Variants in FBXL2 observed in about 807,000 individuals in gnomAD.
The protein encoded by FBXL2 is F-box/LRR-repeat protein 2.
Under a neutral mutation model 69.2 loss-of-function variants are expected in FBXL2, and 38 were observed. That is an observed-to-expected ratio of 0.55 (90% CI 0.42 to 0.72). FBXL2 has a LOEUF of 0.72. Among genes scored for constraint, FBXL2 ranks in the 30% least tolerant of loss-of-function variants. FBXL2 has a pLI of 0.00. For synonymous variants in FBXL2, 192 were observed against 201.3 expected, an observed-to-expected ratio of 0.95 and a Z score of 0.39; for missense variants, 354 against 520.3, an observed-to-expected ratio of 0.68 and a Z score of 3.11.
chr3:33,394,845 G>C (rs1470520870), intron 12 of FBXL2, among the ~76,000 whole-genome samples: 1 of 129,246 alleles, frequency 7.7e-6, no homozygotes, highest in Non-Finnish European at 1.6e-5. Flanking sequence ...TTTAAATAAA[G>C]TTTTACTGGA....
chr3:33,385,471 A>G lies in FBXL2; in HGVS notation c.1165-30A>G, dbSNP rs1181750750. The G allele has an allele frequency of 2.6e-6, 4 of 1,561,886 alleles. No homozygotes were observed. The South Asian group carries it at 3.3e-5, about 13-fold the overall frequency. On this transcript the variant is annotated intron_variant, in intron 14 of 14. Transcript: ENST00000484457. ...ATAATCCTAAAAATAGTAATGTGTAAAGACTCCACTTTTTTCTTCATCCTT... is the reference window on the plus strand; with the variant it reads ...ATAATCCTAAAAATAGTAATGTGTAGAGACTCCACTTTTTTCTTCATCCTT...
intron 5 of FBXL2, among the ~76,000 whole-genome samples, chr3:33,366,895 T>C (rs1249701412): frequency 6.6e-6 from 1 of 151,808 alleles, no homozygotes; most frequent in East Asian, 1.9e-4. Context: ...ACTCGGGAGG[T>C]GGAGCTTGGC....
chr3:33,319,730 A>T lies in FBXL2; in HGVS notation c.65+22005A>T, dbSNP rs190262300. On this transcript the variant is annotated intron_variant, in intron 2 of 14. Transcript: ENST00000484457. ...AACCATGAATAACTTTTATTTTTTT[A>T]AAAAATTGAAATATCAAAGCATTTC... Among the ~76,000 whole-genome samples the T allele has an allele frequency of 2.1e-3, 315 of 152,306 alleles. 1 individual carries two copies. Among genetic ancestry groups the T allele is most frequent in the African/African-American group, 7.2e-3 (300 of 41,574 alleles).
In FBXL2 at chr3:33,286,403, C is replaced by G. The variant is rs547095859; in HGVS notation, c.3+8888C>G. Among the ~76,000 whole-genome samples the G allele has an allele frequency of 4.6e-5, 7 of 152,310 alleles. No homozygotes were observed. The East Asian group carries it at 1.3e-3, about 29-fold the overall frequency. ...TGCCTGATCCTTCCTCTGGAAGCTT[C>G]GTCTCAGATGGGCACCTGGCTGTAT... On this transcript the variant is annotated intron_variant, in intron 1 of 14. Transcript: ENST00000484457.
Position 33,366,234 on chromosome 3 carries a change from A to G in FBXL2, c.290+1515A>G, listed in dbSNP as rs115670690. On this transcript the variant is annotated intron_variant, in intron 5 of 14. Transcript: ENST00000484457. ...TATATTATTGGATCCTATTTGCTACAATTTTGTTAAAAAATTTTGCATTTG... is the reference window on the plus strand; with the variant it reads ...TATATTATTGGATCCTATTTGCTACGATTTTGTTAAAAAATTTTGCATTTG... Among the ~76,000 whole-genome samples, 612 of 152,276 alleles carry G rather than the reference A, an allele frequency of 4.0e-3. 7 individuals carry two copies. The highest frequency in any genetic ancestry group is 0.013 in the African/African-American group (555 of 41,554).
intron 2 of FBXL2, among the ~76,000 whole-genome samples, chr3:33,313,615 G>GTT (rs766273521): frequency 0.081 from 12,074 of 148,198 alleles, 614 homozygotes; most frequent in South Asian, 0.11. Context: ...TCAGATAATT[G>GTT]TTTTATTTTT....
chr3:33,330,417 A>G (rs2039057611), intron 2 of FBXL2, among the ~76,000 whole-genome samples: 1 of 152,164 alleles, frequency 6.6e-6, no homozygotes, highest in Admixed American at 6.5e-5. Flanking sequence ...AAGAAATAAT[A>G]CCTGTTTTTT....
At chr3:33,338,357 A>G (rs1372855187) in intron 2 of FBXL2, among the ~76,000 whole-genome samples, 1 of 152,188 alleles carries the variant, frequency 6.6e-6, no homozygotes, top group Non-Finnish European at 1.5e-5. Flanking sequence ...GGTTGCAGTG[A>G]GCCAAGATCA....
chr3:33,364,850 G>C (rs895209748), intron 5 of FBXL2, 131 bp downstream of exon 5: 30 of 813,390 alleles, frequency 3.7e-5, no homozygotes, highest in Non-Finnish European at 5.4e-5. Flanking sequence ...AGTAATGAGA[G>C]GACCAGGACT....
At chr3:33,407,647 A>C (rs942877556), downstream of FBXL2, among the ~76,000 whole-genome samples, 2 of 152,214 alleles carry the variant, frequency 1.3e-5, no homozygotes, top group African/African-American at 2.4e-5. Context: ...AGAAGCATTA[A>C]AACATTTTTA....
chr3:33,358,519 A>G (rs1337519493), intron 2 of FBXL2, among the ~76,000 whole-genome samples: 4 of 152,010 alleles, frequency 2.6e-5, no homozygotes, highest in African/African-American at 9.7e-5. Context: ...TTTGCCAACT[A>G]ATGAGCTCCA....
chr3:33,401,404 A>G (rs957154550), intron 12 of FBXL2, among the ~76,000 whole-genome samples: 5 of 152,260 alleles, frequency 3.3e-5, no homozygotes, highest in Non-Finnish European at 7.3e-5. Flanking sequence ...TGCAAAAAAA[A>G]TGAGCTACAA....
At chr3:33,332,346 A>G (rs543419113) in intron 2 of FBXL2, among the ~76,000 whole-genome samples, 2 of 152,244 alleles carry the variant, frequency 1.3e-5, no homozygotes, top group Non-Finnish European at 2.9e-5. Flanking sequence ...CCATAATGGT[A>G]CAGCCACTGC....
At chr3:33,282,706 G>A (rs1389704931) in intron 1 of FBXL2, among the ~76,000 whole-genome samples, 5 of 152,072 alleles carry the variant, frequency 3.3e-5, no homozygotes, top group African/African-American at 9.7e-5. Context: ...ATTTGTTTGT[G>A]TCCTCTTTTA....
chr3:33,366,438 G>A lies in FBXL2; in HGVS notation c.290+1719G>A, dbSNP rs185372916. Reference sequence around the variant, plus strand: ...CCCCAGTGCTTTGGGAGGCCAAGGTGGGAGAATCACTTGAGCCCAGGATTT... The same window carrying A: ...CCCCAGTGCTTTGGGAGGCCAAGGTAGGAGAATCACTTGAGCCCAGGATTT... On this transcript the variant is annotated intron_variant, in intron 5 of 14. Transcript: ENST00000484457. Among the ~76,000 whole-genome samples the A allele has an allele frequency of 1.5e-4, 23 of 152,226 alleles. 1 individual carries two copies. In the East Asian group the frequency reaches 4.4e-3, roughly 29 times the overall value.
At chr3:33,325,378 A>T (rs934252681) in intron 2 of FBXL2, among the ~76,000 whole-genome samples, 2 of 152,160 alleles carry the variant, frequency 1.3e-5, no homozygotes, top group African/African-American at 4.8e-5. Flanking sequence ...CTGGTTTTCA[A>T]AGCGAATGCT....
At chr3:33,373,948 T>A (rs368097945) in intron 9 of FBXL2, 27 bp downstream of exon 9, 54 of 1,610,104 alleles carry the variant, frequency 3.4e-5, no homozygotes, top group Non-Finnish European at 4.1e-5. Flanking sequence ...TCCTGAACAC[T>A]GTTTGCTCTA....
intron 1 of FBXL2, among the ~76,000 whole-genome samples, chr3:33,288,747 G>A (rs575301507): frequency 6.6e-6 from 1 of 152,338 alleles, no homozygotes; most frequent in Admixed American, 6.5e-5. Context: ...GTCAAATCAT[G>A]TAGGACTTTT....
intron 5 of FBXL2, among the ~76,000 whole-genome samples, chr3:33,365,554 A>AT (rs1482430679): frequency 6.6e-6 from 1 of 152,112 alleles, no homozygotes; most frequent in Non-Finnish European, 1.5e-5. Flanking sequence ...TACAGGTGTG[A>AT]GCCACTGCAC....
Sources: allele counts gnomAD v4.1 joint callset (sites outside exome capture counted in the v4.1 genomes callset), GRCh38; gene constraint gnomAD v4.1.1; transcripts MANE v1.5; gene names NCBI Gene and HGNC (gene_info 2026-07-23, HGNC 2026-07-21).